Variants in INVS observed in about 807,000 individuals in gnomAD.
The protein encoded by INVS is inversin, also known as inversion of embryo turning homolog.
In INVS, 86 loss-of-function variants were observed where a neutral mutation model predicts 108.8. That is an observed-to-expected ratio of 0.79 (90% confidence interval 0.66 to 0.95). The LOEUF is 0.95. INVS is among the 40% of genes least tolerant of loss of function. The pLI is 0.00. For missense variants in INVS, 1,169 were observed against 1,297.4 expected (o/e 0.90, Z 1.52); for synonymous variants, 455 against 473.5 (o/e 0.96, Z 0.51).
In INVS at chr9:100,257,447, A is replaced by C. The variant is rs529468201; in HGVS notation, c.1464+4311A>C. On this transcript the variant is annotated intron_variant, in intron 10 of 16. Coordinates refer to ENST00000262457, the MANE Select transcript of INVS (RefSeq NM_014425.5). Reference sequence around the variant, plus strand: ...TGTTATGTGTGAATTTGATCCTGTCATTATGATGTTAGCTGGTTATTTTGC... The same window carrying C: ...TGTTATGTGTGAATTTGATCCTGTCCTTATGATGTTAGCTGGTTATTTTGC... Among the ~76,000 whole-genome samples, 18 of 152,280 alleles carry C rather than the reference A, an allele frequency of 1.2e-4. No individual in the cohort carries two copies. The South Asian group carries it at 3.7e-3, about 32-fold the overall frequency.
chr9:100,191,637 T>A (rs900036923), intron 3 of INVS, among the ~76,000 whole-genome samples: 1 of 152,228 alleles, frequency 6.6e-6, no homozygotes, highest in Non-Finnish European at 1.5e-5. Context: ...TTGCATCTCC[T>A]TGAGTAGCTT....
At chr9:100,228,731 A>G (rs755267143) in intron 4 of INVS, among the ~76,000 whole-genome samples, 21 of 152,350 alleles carry the variant, frequency 1.4e-4, no homozygotes, top group Non-Finnish European at 2.5e-4. Flanking sequence ...TTTGTGTCCC[A>G]GAGCAGATTA....
At chr9:100,251,266 G>C (rs879476729) in intron 8 of INVS, among the ~76,000 whole-genome samples, 3 of 152,064 alleles carry the variant, frequency 2.0e-5, no homozygotes, top group Non-Finnish European at 4.4e-5. Flanking sequence ...ATACTACCCA[G>C]CCCAAAAATC....
At chr9:100,192,456 A>T (rs768561545) in intron 3 of INVS, among the ~76,000 whole-genome samples, 6 of 152,192 alleles carry the variant, frequency 3.9e-5, no homozygotes, top group Non-Finnish European at 5.9e-5. Flanking sequence ...GATGATGGAC[A>T]TTTGGGTTGG....
intron 7 of INVS, among the ~76,000 whole-genome samples, chr9:100,245,374 G>A (rs1345802770): frequency 3.3e-5 from 5 of 152,076 alleles, no homozygotes; most frequent in African/African-American, 1.2e-4. Context: ...CCGTCTCCCG[G>A]GTTCAATCAA....
At chr9:100,106,366 A>G (rs1235641031) in intron 2 of INVS, among the ~76,000 whole-genome samples, 3 of 151,914 alleles carry the variant, frequency 2.0e-5, no homozygotes, top group Non-Finnish European at 4.4e-5. Flanking sequence ...CCTTTCTTCT[A>G]TGCTAAATTC....
At chr9:100,127,591 T>C (rs184980736) in intron 3 of INVS, among the ~76,000 whole-genome samples, 1 of 152,238 alleles carries the variant, frequency 6.6e-6, no homozygotes, top group African/African-American at 2.4e-5. Flanking sequence ...ACTATTAGAG[T>C]TATTTTCTAT....
intron 3 of INVS, among the ~76,000 whole-genome samples, chr9:100,197,642 A>T (rs1384916268): frequency 1.3e-5 from 2 of 152,156 alleles, no homozygotes; most frequent in African/African-American, 4.8e-5. Context: ...ATTAACAACC[A>T]TGTAGAAATG....
At position 100,292,999 on chromosome 9, in the gene INVS, C is replaced by CA; in HGVS notation, c.2747dup (p.Asn917GlufsTer86). 6.2e-7 allele frequency: 1 copy of CA among 1,613,906 alleles called. No individual in the cohort carries two copies. Among genetic ancestry groups the CA allele is most frequent in the Non-Finnish European group, 8.5e-7 (1 of 1,179,846 alleles). On this transcript the variant is annotated frameshift_variant, in exon 14 of 17. Coordinates refer to ENST00000262457, the MANE Select transcript of INVS (RefSeq NM_014425.5). LOFTEE classifies it high-confidence loss of function. ...AACGAAGGAGGAAGGAGCTGTTTCG[C>CA]AAAAAGAACAAGGCAGCAGCAGTCA...
chr9:100,148,693 A>G (rs1220145264), intron 3 of INVS, among the ~76,000 whole-genome samples: 2 of 152,266 alleles, frequency 1.3e-5, no homozygotes, highest in Non-Finnish European at 2.9e-5. Context: ...TTTTAATTAA[A>G]GCTGTTATTT....
At chr9:100,138,847 C>T (rs1828324581) in intron 3 of INVS, among the ~76,000 whole-genome samples, 2 of 151,836 alleles carry the variant, frequency 1.3e-5, no homozygotes, top group Non-Finnish European at 2.9e-5. Flanking sequence ...ACAGGGATTA[C>T]AGGGGCCTGC....
intron 3 of INVS, among the ~76,000 whole-genome samples, chr9:100,208,830 T>C (rs7866950): frequency 0.17 from 26,545 of 152,112 alleles, 3,416 homozygotes; most frequent in African/African-American, 0.37. Context: ...ATGAGAACAT[T>C]AGGAGCAAAT....
At chr9:100,148,955 TCTTGTCTGAAGGTAA>T (rs1828718238) in intron 3 of INVS, among the ~76,000 whole-genome samples, 1 of 152,148 alleles carries the variant, frequency 6.6e-6, no homozygotes, top group South Asian at 2.1e-4. Flanking sequence ...ACTCCCATAA[TCTTGTCTGAAGGTAA>T]CAGACTGCCA....
intron 13 of INVS, among the ~76,000 whole-genome samples, chr9:100,289,755 T>C (rs1157090598): frequency 6.6e-6 from 1 of 152,238 alleles, no homozygotes; most frequent in Non-Finnish European, 1.5e-5. Context: ...TCACCCAGTT[T>C]ATCCATTCAC....
intron 8 of INVS, among the ~76,000 whole-genome samples, chr9:100,251,356 C>A (rs1203650891): frequency 6.6e-6 from 1 of 152,236 alleles, no homozygotes; most frequent in Non-Finnish European, 1.5e-5. Context: ...ATACTTAGAA[C>A]TGGCCAAGGC....
chr9:100,292,997 C>G lies in INVS; in HGVS notation c.2740C>G (p.Arg914Gly), dbSNP rs201904771. ...QRERRRKELF[R>G]KKNKAAAVIQ... ...AGAACGAAGGAGGAAGGAGCTGTTT[C>G]GCAAAAAGAACAAGGCAGCAGCAGT... The change falls in exon 14 of 17, where the codon CGC (arginine) becomes GGC (glycine). Residue 914 changes from arginine to glycine, a missense_variant. Coordinates refer to ENST00000262457, the MANE Select transcript of INVS (RefSeq NM_014425.5). 6.2e-7 allele frequency: 1 copy of G among 1,613,764 alleles called. No homozygotes were observed. Among genetic ancestry groups the G allele is most frequent in the Non-Finnish European group, 8.5e-7 (1 of 1,179,840 alleles).
At chr9:100,284,975 C>T (rs978158639) in intron 13 of INVS, among the ~76,000 whole-genome samples, 1 of 152,196 alleles carries the variant, frequency 6.6e-6, no homozygotes, top group South Asian at 2.1e-4. Context: ...ATAAAACTCA[C>T]AAAGGAAATA....
At chr9:100,182,551 A>G (rs146814350) in intron 3 of INVS, among the ~76,000 whole-genome samples, 2 of 152,350 alleles carry the variant, frequency 1.3e-5, no homozygotes, top group East Asian at 3.9e-4. Context: ...TAGTCATTAG[A>G]GAAATGCAAA....
intron 7 of INVS, among the ~76,000 whole-genome samples, chr9:100,246,318 A>G (rs1397722401): frequency 1.3e-5 from 2 of 152,202 alleles, no homozygotes; most frequent in African/African-American, 4.8e-5. Flanking sequence ...ACGATGACCT[A>G]TAAAGTTTCC....
Sources: gnomAD v4.1 joint callset for allele counts (sites outside exome capture counted in the v4.1 genomes callset) on GRCh38, gnomAD v4.1.1 for gene constraint, MANE v1.5 for transcripts, NCBI Gene and HGNC (gene_info 2026-07-23, HGNC 2026-07-21) for gene names.